CNGA4: variants seen among roughly 807,000 people sequenced by gnomAD.
CNGA4 encodes cyclic nucleotide-gated channel alpha-4.
A neutral mutation model predicts 45.6 loss-of-function variants in CNGA4; 32 were observed. The ratio of observed to expected loss-of-function variants is 0.70; its 90% CI spans 0.53 to 0.94. The LOEUF (loss-of-function observed/expected upper bound fraction) is 0.94. CNGA4 is among the 40% of genes least tolerant of loss of function. CNGA4 has a pLI of 0.00. For synonymous variants in CNGA4, 293 were observed against 304.6 expected, an observed-to-expected ratio of 0.96 and a Z score of 0.40; for missense variants, 726 against 755.1, an observed-to-expected ratio of 0.96 and a Z score of 0.45.
At chr11:6,235,012 A>T (rs1847808240), upstream of CNGA4, among the ~76,000 whole-genome samples, 1 of 152,218 alleles carries the variant, frequency 6.6e-6, no homozygotes, top group Non-Finnish European at 1.5e-5. Context: ...TTTTACAGGC[A>T]GGGAAAGATC....
rs772047753 is a variant in CNGA4 at position 6,240,745 on chromosome 11, C to T, written c.917+34C>T. The T allele has an allele frequency of 1.3e-5, 20 of 1,594,266 alleles. No individual in the cohort carries two copies. In the East Asian group the frequency reaches 3.8e-4, roughly 30 times the overall value. On this transcript the variant is annotated intron_variant, in intron 4 of 5. Coordinates refer to ENST00000379936, the MANE Select transcript of CNGA4 (RefSeq NM_001037329.4). This position sits in a 1 kb window ranked among gnomAD's most constrained non-coding sequence, Gnocchi z 4.9. ...GCGGGGTTCCAGACCAGGACAGGGA[C>T]CAGTGTAGGTGATGGAACCTGAGGG...
intron 1 of CNGA4, 21 bp downstream of exon 1, chr11:6,239,289 GT>G (rs1847875519): frequency 2.5e-6 from 4 of 1,613,566 alleles, no homozygotes; most frequent in Admixed American, 1.7e-5. Context: ...CTGGTCCCTT[GT>G]GTGGGATCTC....
At position 6,241,746 on chromosome 11, in the gene CNGA4, C is replaced by G. The variant is rs754011682; in HGVS notation, c.1233C>G (p.Leu411=). 6.2e-7 allele frequency: 1 copy of G among 1,614,162 alleles called. No homozygotes were observed. Among genetic ancestry groups the G allele is most frequent in the South Asian group, 1.1e-5 (1 of 91,076 alleles). The change falls in exon 5 of 6, where the codon CTC becomes CTG. Residue 411 remains leucine, a synonymous_variant. Transcript: ENST00000379936. ...AGTATGCTGTGCTCGGTGCAGGGCT[C>G]TACTTTGGGGAGATCAGCATCATCA... ...ITQYAVLGAG[L]YFGEISIINI...
In CNGA4 at chr11:6,240,330, T is replaced by G. The variant is rs191303228; in HGVS notation, c.536T>G (p.Val179Gly). The change falls in exon 4 of 6, where the codon GTC (valine) becomes GGC (glycine). Residue 179 changes from valine (V) to glycine (G), a missense_variant. Val to Gly is a moderately radical substitution (Grantham distance 109). Transcript: ENST00000379936. This position sits in a 1 kb window ranked among gnomAD's most constrained non-coding sequence, Gnocchi z 4.9. ...IAKLMLYIFV[V>G]IHWNSCLYFA... ...AAGCTGATGCTTTACATTTTTGTCG[T>G]CATCCATTGGAACAGCTGCCTATAC... is the stretch of plus-strand genomic sequence containing the variant. 4.3e-6 allele frequency: 7 copies of G among 1,614,202 alleles called. No homozygotes were observed. The highest frequency in any genetic ancestry group is 5.1e-6 in the Non-Finnish European group (6 of 1,180,038).
chr11:6,235,284 GCCC>G, upstream of CNGA4, among the ~76,000 whole-genome samples: 1 of 152,298 alleles, frequency 6.6e-6, no homozygotes, highest in East Asian at 1.9e-4. Context: ...AGCGGTGACT[GCCC>G]CTGGCTCCCC....
upstream of CNGA4, chr11:6,239,004 G>A: frequency 7.0e-7 from 1 of 1,420,054 alleles, no homozygotes; most frequent in Non-Finnish European, 9.2e-7. Context: ...AGACAGGGCA[G>A]AGTGCTAGAG....
upstream of CNGA4, among the ~76,000 whole-genome samples, chr11:6,237,205 G>A (rs779521448): frequency 6.6e-6 from 1 of 152,186 alleles, no homozygotes; most frequent in African/African-American, 2.4e-5. Flanking sequence ...ACTATCACAA[G>A]GGAGTGGTGT....
intron 3 of CNGA4, 114 bp downstream of exon 3, chr11:6,239,904 T>A (rs752626383): frequency 3.4e-5 from 46 of 1,340,086 alleles, no homozygotes; most frequent in Non-Finnish European, 4.1e-5. Context: ...CGTGCCTCTA[T>A]GCCTGACAGC....
chr11:6,243,306 G>A (rs1847943574), intron 5 of CNGA4, among the ~76,000 whole-genome samples: 1 of 152,198 alleles, frequency 6.6e-6, no homozygotes, highest in South Asian at 2.1e-4. Context: ...CATGGTGCTG[G>A]CATTTGCTCA....
In CNGA4 at chr11:6,239,488, A is replaced by G. The variant is rs776760737; in HGVS notation, c.164+3A>G. 10 of 1,613,928 alleles carry G rather than the reference A, an allele frequency of 6.2e-6. No homozygotes were observed. The East Asian group carries it at 1.8e-4, about 29-fold the overall frequency. ...AACCTCATCATCCTCGTGTGCAGGT[A>G]TGGCAGCGGTGCTAAGGGAGGGGCT... On this transcript the variant is annotated splice_donor_region_variant and intron_variant, in intron 2 of 5. Transcript: ENST00000379936.
chr11:6,240,061 C>A lies in CNGA4; in HGVS notation c.272-5C>A. On this transcript the variant is annotated splice_region_variant and splice_polypyrimidine_tract_variant and intron_variant, in intron 3 of 5. Transcript: ENST00000379936. The surrounding 1 kb of genome is among the most constrained non-coding windows in gnomAD (Gnocchi z 4.9). Reference sequence around the variant, plus strand: ...GTCCGCTTCCTACCGGCTCCCTCTCCCCAGGATTCTTGGAACAGGGCATCC... The same window carrying A: ...GTCCGCTTCCTACCGGCTCCCTCTCACCAGGATTCTTGGAACAGGGCATCC... 6.2e-7 allele frequency: 1 copy of A among 1,600,936 alleles called. No homozygotes were observed.
chr11:6,239,561 C>G, intron 2 of CNGA4, 76 bp downstream of exon 2: 1 of 1,569,660 alleles, frequency 6.4e-7, no homozygotes, highest in Non-Finnish European at 8.8e-7. Flanking sequence ...AGGGCAGACC[C>G]TTGGTGGGGC....
rs1377617354 is a variant in CNGA4, at chr11:6,239,753, G to A, written c.234G>A (p.Leu78=). ...TGGTGCTGGACTACACGAGTGACCTGCTATACCTACTAGACATGGTGGTGC... is the reference window on the plus strand; with the variant it reads ...TGGTGCTGGACTACACGAGTGACCTACTATACCTACTAGACATGGTGGTGC... ...AWLVLDYTSD[L]LYLLDMVVRF... The change falls in exon 3 of 6, where the codon CTG becomes CTA. Residue 78 remains leucine (L), a synonymous_variant. Transcript: ENST00000379936. The A allele has an allele frequency of 1.2e-6, 2 of 1,614,144 alleles. No individual in the cohort carries two copies. Among genetic ancestry groups the A allele is most frequent in the Non-Finnish European group, 8.5e-7 (1 of 1,179,972 alleles).
upstream of CNGA4, among the ~76,000 whole-genome samples, chr11:6,237,169 C>T (rs2133871186): frequency 6.6e-6 from 1 of 152,322 alleles, no homozygotes; most frequent in African/African-American, 2.4e-5. Context: ...CCTTAGAAGT[C>T]ACACAACATC....
At chr11:6,237,247 CACA>C (rs1454643116), upstream of CNGA4, among the ~76,000 whole-genome samples, 2 of 152,036 alleles carry the variant, frequency 1.3e-5, no homozygotes, top group African/African-American at 4.8e-5. Flanking sequence ...TTTTAACTGC[CACA>C]ACATTATACA....
chr11:6,238,580 G>A (rs1403613549), upstream of CNGA4, among the ~76,000 whole-genome samples: 1 of 152,204 alleles, frequency 6.6e-6, no homozygotes, highest in African/African-American at 2.4e-5. Flanking sequence ...CCATAGGATG[G>A]CCCCTATCAC....
chr11:6,234,961 T>G (rs1590645349), upstream of CNGA4: 1 of 152,836 alleles, frequency 6.5e-6, no homozygotes, highest in East Asian at 1.9e-4. Context: ...GAAGGAAAGG[T>G]GGAACCAGAG....
chr11:6,244,861 A>T (rs1311413235), downstream of CNGA4, among the ~76,000 whole-genome samples: 1 of 152,216 alleles, frequency 6.6e-6, no homozygotes, highest in Middle Eastern at 3.2e-3. This position sits in a 1 kb window ranked among gnomAD's most constrained non-coding sequence, Gnocchi z 4.5. Context: ...GTGAAAACAC[A>T]AAAGCACACC....
Position 6,240,061 on chromosome 11 carries a change from C to T in CNGA4, c.272-5C>T, listed in dbSNP as rs780893905. On this transcript the variant is annotated splice_region_variant and splice_polypyrimidine_tract_variant and intron_variant, in intron 3 of 5. Coordinates refer to ENST00000379936, the MANE Select transcript of CNGA4 (RefSeq NM_001037329.4). This position sits in a 1 kb window ranked among gnomAD's most constrained non-coding sequence, Gnocchi z 4.9. ...GTCCGCTTCCTACCGGCTCCCTCTC[C>T]CCAGGATTCTTGGAACAGGGCATCC... 8 of 1,600,936 alleles carry T rather than the reference C, an allele frequency of 5.0e-6. No homozygotes were observed. Among genetic ancestry groups the T allele is most frequent in the Non-Finnish European group, 6.8e-6 (8 of 1,172,968 alleles).
Sources: allele counts gnomAD v4.1 joint callset (sites outside exome capture counted in the v4.1 genomes callset), GRCh38; gene constraint gnomAD v4.1.1; non-coding constraint Gnocchi (gnomAD v3.1); transcripts MANE v1.5; gene names NCBI Gene and HGNC (gene_info 2026-07-23, HGNC 2026-07-21).